The following PDS5A variants were observed in gnomAD, a reference collection of about 807,000 sequenced individuals.
PDS5A encodes PDS5 cohesin associated factor A.
In PDS5A, 42 loss-of-function variants were observed where a neutral mutation model predicts 167.1. The observed-to-expected ratio is 0.25, with a 90% CI of 0.20 to 0.33. PDS5A has a LOEUF of 0.33. Ranked by LOEUF, PDS5A falls within the 10% of genes least tolerant of loss-of-function variation. PDS5A has a pLI of 1.00. For synonymous variants in PDS5A, 553 were observed against 554.6 expected (o/e 1.00, Z 0.04); for missense variants, 1,033 against 1,605.9 (o/e 0.64, Z 6.10).
At chr4:39,825,821 C>T (rs1715251928) in intron 32 of PDS5A, among the ~76,000 whole-genome samples, 1 of 152,064 alleles carries the variant, frequency 6.6e-6, no homozygotes, top group Non-Finnish European at 1.5e-5. Flanking sequence ...GGCTGGTCTT[C>T]AACTCCTGAG....
intron 2 of PDS5A, 200 bp downstream of exon 2, chr4:39,976,240 A>G (rs1578865103): frequency 2.5e-6 from 1 of 395,428 alleles, no homozygotes. Flanking sequence ...TTGAAAAATC[A>G]CACTCCTTTT....
At chr4:39,940,901 C>T (rs891298016) in intron 2 of PDS5A, among the ~76,000 whole-genome samples, 4 of 152,236 alleles carry the variant, frequency 2.6e-5, no homozygotes, top group African/African-American at 9.6e-5. Context: ...AACTTCTAGG[C>T]TCAAGCAATC....
At chr4:39,832,280 C>A (rs1336900210) in intron 32 of PDS5A, among the ~76,000 whole-genome samples, 2 of 150,864 alleles carry the variant, frequency 1.3e-5, no homozygotes, top group Non-Finnish European at 2.9e-5. Context: ...GTGGTGTGAT[C>A]TCTGCTCACT....
At chr4:39,858,855 C>T (rs1444629706) in intron 26 of PDS5A, among the ~76,000 whole-genome samples, 2 of 152,110 alleles carry the variant, frequency 1.3e-5, no homozygotes, top group Non-Finnish European at 2.9e-5. Flanking sequence ...GAACTCCTAA[C>T]CTCAGGTGAT....
At chr4:39,948,226 A>AG (rs1415474371) in intron 2 of PDS5A, among the ~76,000 whole-genome samples, 1 of 146,520 alleles carries the variant, frequency 6.8e-6, no homozygotes, top group Non-Finnish European at 1.5e-5. Context: ...AAAAAAAAAA[A>AG]AAAGAAAGAA....
intron 2 of PDS5A, among the ~76,000 whole-genome samples, chr4:39,947,881 T>C (rs572866571): frequency 7.2e-5 from 11 of 152,160 alleles, no homozygotes; most frequent in Admixed American, 5.2e-4. Context: ...CCAACACTGC[T>C]GCAATGAGAA....
intron 5 of PDS5A, 92 bp downstream of exon 5, chr4:39,925,744 C>T (rs963355729): frequency 5.1e-5 from 21 of 409,140 alleles, no homozygotes; most frequent in African/African-American, 3.7e-4. Flanking sequence ...CCTTATAACT[C>T]TGAAATATCT....
chr4:39,927,004 C>T, intron 3 of PDS5A, 143 bp from the exon 4 acceptor site: 1 of 642,540 alleles, frequency 1.6e-6, no homozygotes. Flanking sequence ...TTGGCCTAAT[C>T]CATTATTCAA....
At chr4:39,950,008 T>G (rs1728195965) in intron 2 of PDS5A, among the ~76,000 whole-genome samples, 1 of 151,758 alleles carries the variant, frequency 6.6e-6, no homozygotes, top group African/African-American at 2.4e-5. Context: ...CGAGTTTAAG[T>G]GATTCTCCTG....
At chr4:39,965,124 C>T (rs1038543972) in intron 2 of PDS5A, among the ~76,000 whole-genome samples, 6 of 152,086 alleles carry the variant, frequency 3.9e-5, no homozygotes, top group Non-Finnish European at 8.8e-5. Context: ...GACAACAGTA[C>T]TTTCTTTTAA....
At chr4:39,832,141 C>G (rs1180659585) in intron 32 of PDS5A, among the ~76,000 whole-genome samples, 1 of 151,774 alleles carries the variant, frequency 6.6e-6, no homozygotes, top group African/African-American at 2.4e-5. Flanking sequence ...AACAAAAACC[C>G]AAAAACAAGA....
At chr4:39,846,563 A>G (rs1273884100) in intron 28 of PDS5A, 1 of 152,256 alleles carries the variant, frequency 6.6e-6, no homozygotes, top group East Asian at 1.9e-4. Context: ...GACAGCTGTG[A>G]TATTAACAAT....
At chr4:39,880,017 A>C (rs1018177806) in intron 17 of PDS5A, among the ~76,000 whole-genome samples, 184 bp from the exon 18 acceptor site, 1 of 152,144 alleles carries the variant, frequency 6.6e-6, no homozygotes, top group African/African-American at 2.4e-5. Context: ...CCCCCTAAAA[A>C]ACTTAATGTA....
chr4:39,967,747 C>A (rs547018830), intron 2 of PDS5A, among the ~76,000 whole-genome samples: 1 of 152,134 alleles, frequency 6.6e-6, no homozygotes, highest in South Asian at 2.1e-4. Context: ...ATTATGAGGT[C>A]AGGAGTTCGA....
intron 2 of PDS5A, among the ~76,000 whole-genome samples, chr4:39,955,936 G>A (rs972441507): frequency 1.1e-4 from 17 of 151,926 alleles, no homozygotes; most frequent in African/African-American, 1.9e-4. Context: ...CCAACATGGC[G>A]AAACCCCATC....
chr4:39,860,528 A>C (rs1331540135), intron 26 of PDS5A, among the ~76,000 whole-genome samples: 1 of 152,138 alleles, frequency 6.6e-6, no homozygotes, highest in Non-Finnish European at 1.5e-5. Flanking sequence ...AGATGGATGC[A>C]TTTCCATGTT....
In PDS5A at chr4:39,838,044, G is replaced by C; in HGVS notation, c.3822C>G (p.Pro1274=). Residue 1274 remains proline, a synonymous_variant, in exon 32 of 33, where the codon CCC becomes CCG. Coordinates refer to ENST00000303538, the MANE Select transcript of PDS5A (RefSeq NM_001100399.2). The stretch of plus-strand genomic sequence containing the variant: ...TAGCATTGCCCTGAGATTCAGACTT[G>C]GGTCGACGTCCTCTCCTGGGTTTGG... ...APSKPRRGRR[P]KSESQGNATK... The C allele has an allele frequency of 6.2e-7, 1 of 1,613,906 alleles. No individual in the cohort carries two copies. Among genetic ancestry groups the C allele is most frequent in the Non-Finnish European group, 8.5e-7 (1 of 1,179,878 alleles).
intron 26 of PDS5A, among the ~76,000 whole-genome samples, chr4:39,858,180 TC>T (rs1348760573): frequency 8.5e-5 from 13 of 152,202 alleles, no homozygotes; most frequent in Non-Finnish European, 1.8e-4. Context: ...ATATACAGAT[TC>T]AGTCCCATTC....
At chr4:39,908,081 G>A (rs1376490108) in intron 11 of PDS5A, among the ~76,000 whole-genome samples, 4 of 152,244 alleles carry the variant, frequency 2.6e-5, no homozygotes, top group East Asian at 3.9e-4. Flanking sequence ...AAGAATAGAC[G>A]ATCAATCACT....
Sources: gnomAD v4.1 joint callset for allele counts (sites outside exome capture counted in the v4.1 genomes callset) on GRCh38, gnomAD v4.1.1 for gene constraint, MANE v1.5 for transcripts, NCBI Gene and HGNC (gene_info 2026-07-23, HGNC 2026-07-21) for gene names.